Variants in TAFA1 observed in about 807,000 individuals in gnomAD.
TAFA1 encodes chemokine-like protein TAFA-1.
A neutral mutation model predicts 18.5 loss-of-function variants in TAFA1; 4 were observed. The observed-to-expected ratio is 0.22, with a 90% CI of 0.11 to 0.49. The LOEUF is 0.49. TAFA1 is among the 20% of genes least tolerant of loss of function. The pLI is 0.98. For synonymous variants in TAFA1, 56 were observed against 55.2 expected (o/e 1.01, Z -0.06); for missense variants, 147 against 169.0 (o/e 0.87, Z 0.72).
rs530908433 is a variant in TAFA1 at position 68,322,232 on chromosome 3, C to G, written c.119-95048C>G. On this transcript the variant is annotated intron_variant, in intron 2 of 4. Transcript: ENST00000478136. ...AAGCATACATATTTTGCTTCAAGCT[C>G]CATAATTATTTTGACATAAAAATAG... is the stretch of plus-strand genomic sequence containing the variant. 2.6e-4 allele frequency among the ~76,000 whole-genome samples: 40 copies of G among 152,258 alleles called. No individual in the cohort carries two copies. The South Asian group carries it at 7.2e-3, about 28-fold the overall frequency.
intron 2 of TAFA1, among the ~76,000 whole-genome samples, chr3:68,098,740 C>A (rs187719336): frequency 1.4e-3 from 217 of 152,224 alleles, no homozygotes; most frequent in African/African-American, 5.1e-3. Context: ...TATCACATTA[C>A]CCAACTTCAA....
At chr3:68,414,025 C>T (rs1237651921) in intron 2 of TAFA1, among the ~76,000 whole-genome samples, 2 of 152,100 alleles carry the variant, frequency 1.3e-5, no homozygotes, top group Non-Finnish European at 2.9e-5. Flanking sequence ...AACAAATCGG[C>T]TGGGCACGGT....
chr3:68,020,910 G>C lies in TAFA1; in HGVS notation c.118+14166G>C, dbSNP rs145436719. ...AAGAAGTTTAGTGGTGTCTGACCGG[G>C]AGCAGTGGCTCACACCTGTAATCCC... On this transcript the variant is annotated intron_variant, in intron 2 of 4. Coordinates refer to ENST00000478136, the MANE Select transcript of TAFA1 (RefSeq NM_213609.4). Among the ~76,000 whole-genome samples the C allele has an allele frequency of 4.3e-4, 65 of 152,088 alleles. No homozygotes were observed. In the Middle Eastern group the frequency reaches 0.01, roughly 24 times the overall value.
At chr3:68,366,226 A>G (rs2069571358) in intron 2 of TAFA1, among the ~76,000 whole-genome samples, 1 of 152,168 alleles carries the variant, frequency 6.6e-6, no homozygotes, top group African/African-American at 2.4e-5. Context: ...TATGGGAGCT[A>G]CAATTCAAGA....
intron 3 of TAFA1, among the ~76,000 whole-genome samples, chr3:68,436,266 T>G (rs1228605237): frequency 1.3e-5 from 2 of 152,202 alleles, no homozygotes; most frequent in Non-Finnish European, 2.9e-5. Context: ...TGCCCTGCCC[T>G]TAGTTTCTTC....
At chr3:68,492,487 A>G (rs2072471221) in intron 3 of TAFA1, among the ~76,000 whole-genome samples, 1 of 152,180 alleles carries the variant, frequency 6.6e-6, no homozygotes, top group Admixed American at 6.5e-5. Flanking sequence ...TTTCTCCCTG[A>G]ATTCATCTGA....
intron 2 of TAFA1, among the ~76,000 whole-genome samples, chr3:68,130,780 C>T (rs1000787467): frequency 2.6e-5 from 4 of 152,174 alleles, no homozygotes; most frequent in African/African-American, 9.7e-5. Flanking sequence ...CTGAAAGCCT[C>T]CCTTCTCACC....
chr3:68,252,225 G>T (rs1340661675), intron 2 of TAFA1, among the ~76,000 whole-genome samples: 1 of 151,924 alleles, frequency 6.6e-6, no homozygotes, highest in African/African-American at 2.4e-5. Context: ...CTTTTCCATT[G>T]CTCCTGCTAC....
intron 2 of TAFA1, among the ~76,000 whole-genome samples, chr3:68,321,664 C>G (rs1488913648): frequency 6.6e-6 from 1 of 152,150 alleles, no homozygotes; most frequent in Non-Finnish European, 1.5e-5. Flanking sequence ...CATTGATCTC[C>G]CATTCTCTTT....
intron 2 of TAFA1, among the ~76,000 whole-genome samples, chr3:68,249,407 C>G (rs1302902797): frequency 6.6e-6 from 1 of 152,164 alleles, no homozygotes; most frequent in African/African-American, 2.4e-5. Context: ...AGTCACAGCT[C>G]TGACAACTCA....
intron 2 of TAFA1, among the ~76,000 whole-genome samples, chr3:68,384,226 G>A (rs1276119376): frequency 2.0e-5 from 3 of 151,806 alleles, no homozygotes; most frequent in African/African-American, 4.8e-5. Context: ...GCTAGCTCTG[G>A]GATTGGTTTG....
chr3:68,361,509 A>G (rs954248811), intron 2 of TAFA1, among the ~76,000 whole-genome samples: 1 of 152,072 alleles, frequency 6.6e-6, no homozygotes, highest in Admixed American at 6.6e-5. Flanking sequence ...TTATGGGCTC[A>G]TAGAGATGGT....
chr3:68,012,819 G>T (rs1294328996), intron 2 of TAFA1, among the ~76,000 whole-genome samples: 1 of 152,056 alleles, frequency 6.6e-6, no homozygotes, highest in African/African-American at 2.4e-5. Flanking sequence ...CCTTTTAAGG[G>T]TCTTAATCCA....
chr3:68,007,076 A>G (rs1217785492), intron 2 of TAFA1, among the ~76,000 whole-genome samples: 1 of 152,098 alleles, frequency 6.6e-6, no homozygotes, highest in Non-Finnish European at 1.5e-5. Context: ...ATACTTGAGG[A>G]TTTTACCTAC....
At chr3:68,411,057 T>G (rs932199232) in intron 2 of TAFA1, among the ~76,000 whole-genome samples, 4 of 152,208 alleles carry the variant, frequency 2.6e-5, no homozygotes, top group Non-Finnish European at 2.9e-5. Context: ...AACATTTTGG[T>G]TTCCTTTCTC....
At chr3:68,116,210 G>A (rs1289880278) in intron 2 of TAFA1, among the ~76,000 whole-genome samples, 2 of 152,268 alleles carry the variant, frequency 1.3e-5, no homozygotes, top group Non-Finnish European at 2.9e-5. Context: ...AGCCGAGATC[G>A]CGCCACTGCT....
intron 2 of TAFA1, among the ~76,000 whole-genome samples, chr3:68,066,995 A>G (rs1019643315): frequency 6.6e-6 from 1 of 152,168 alleles, no homozygotes; most frequent in Non-Finnish European, 1.5e-5. Context: ...TTGACATGGT[A>G]TCAAGCAAGA....
At chr3:68,488,644 T>C (rs12633931) in intron 3 of TAFA1, among the ~76,000 whole-genome samples, 37,539 of 152,066 alleles carry the variant, frequency 0.25, 5,083 homozygotes, top group East Asian at 0.49. Flanking sequence ...ATCTGCATAA[T>C]GGCAATAAGA....
At chr3:68,324,903 G>T (rs879288648) in intron 2 of TAFA1, among the ~76,000 whole-genome samples, 8 of 152,158 alleles carry the variant, frequency 5.3e-5, no homozygotes, top group Non-Finnish European at 1.0e-4. Flanking sequence ...TCATGTCTGT[G>T]TTATGGTCTA....
Sources: allele counts gnomAD v4.1 joint callset (sites outside exome capture counted in the v4.1 genomes callset), GRCh38; gene constraint gnomAD v4.1.1; transcripts MANE v1.5; gene names NCBI Gene and HGNC (gene_info 2026-07-23, HGNC 2026-07-21).